SPC25: variants seen among roughly 807,000 people sequenced by gnomAD.
SPC25 encodes kinetochore protein Spc25.
Under a neutral mutation model 29.6 loss-of-function variants are expected in SPC25, and 22 were observed. The ratio of observed to expected loss-of-function variants is 0.74; its 90% confidence interval spans 0.53 to 1.06. The LOEUF (loss-of-function observed/expected upper bound fraction) is 1.06, where lower values mean the gene tolerates loss of function less well. Ranked by LOEUF, SPC25 falls within the 50% of genes least tolerant of loss-of-function variation. The pLI, the probability that SPC25 is intolerant of heterozygous loss-of-function variation, is 0.00. For missense variants in SPC25, 230 were observed against 255.8 expected, an observed-to-expected ratio of 0.90 and a Z score of 0.69; for synonymous variants, 91 against 90.4, an observed-to-expected ratio of 1.01 and a Z score of -0.04.
chr2:168,873,500 T>G, intron 6 of SPC25, 85 bp downstream of exon 6: 1 of 919,040 alleles, frequency 1.1e-6, no homozygotes, highest in Non-Finnish European at 1.7e-6. Flanking sequence ...AGCTATTACT[T>G]TCCTCCATAT....
At chr2:168,861,902 A>G (rs969856336) in intron 4 of SPC25, 4 of 1,470,522 alleles carry the variant, frequency 2.7e-6, no homozygotes, top group Non-Finnish European at 2.8e-6. Flanking sequence ...AAAGAGCTTC[A>G]GCTCATATTC....
At chr2:168,868,133 A>T (rs1302053780), downstream of SPC25, among the ~76,000 whole-genome samples, 3 of 152,280 alleles carry the variant, frequency 2.0e-5, no homozygotes. Context: ...GAAGGCAGAA[A>T]TAAAGATGTT....
intron 3 of SPC25, among the ~76,000 whole-genome samples, chr2:168,879,617 G>A (rs1469039708): frequency 1.3e-5 from 2 of 152,012 alleles, no homozygotes; most frequent in African/African-American, 4.8e-5. Flanking sequence ...CTTCTTCCAA[G>A]CTCTTGTTCA....
chr2:168,884,673 C>G (rs554095109), intron 3 of SPC25, among the ~76,000 whole-genome samples: 1 of 152,162 alleles, frequency 6.6e-6, no homozygotes, highest in South Asian at 2.1e-4. Context: ...TCTCCAATTA[C>G]GAATTCTGTC....
downstream of SPC25, among the ~76,000 whole-genome samples, chr2:168,869,218 G>C (rs9753196): frequency 0.31 from 47,452 of 151,678 alleles, 8,371 homozygotes; most frequent in East Asian, 0.58. Context: ...AAAATAATAA[G>C]AGCTATCTAT....
In SPC25 at chr2:168,889,268, C is replaced by T. The variant is rs1559158906; in HGVS notation, c.157G>A (p.Glu53Lys). 4 of 1,613,572 alleles carry T rather than the reference C, an allele frequency of 2.5e-6. No homozygotes were observed. The South Asian group carries it at 3.3e-5, about 13-fold the overall frequency. Residue 53 changes from glutamate (E) to lysine (K), a missense_variant, in exon 3 of 7, where the codon GAA becomes AAA. Transcript: ENST00000282074. The part of the protein sequence containing the change: ...FAEKLSVKLK[E>K]EERMVEMFLE... ...AACATCTCAACCATTCGTTCTTCTTCCTTTAATTTCACAGACAGCTTTTCT... is the reference window on the plus strand; with the variant it reads ...AACATCTCAACCATTCGTTCTTCTTTCTTTAATTTCACAGACAGCTTTTCT...
intron 4 of SPC25, chr2:168,864,971 A>G (rs1280369088): frequency 6.2e-7 from 1 of 1,614,018 alleles, no homozygotes; most frequent in South Asian, 1.1e-5. Flanking sequence ...AAAGGCATAA[A>G]ACAAGACTCT....
chr2:168,878,363 G>A (rs1045572932), intron 3 of SPC25, among the ~76,000 whole-genome samples: 1 of 152,114 alleles, frequency 6.6e-6, no homozygotes, highest in African/African-American at 2.4e-5. Flanking sequence ...GAATTGAAGA[G>A]ACATTTCATA....
At chr2:168,867,641 G>A (rs1285731451), downstream of SPC25, among the ~76,000 whole-genome samples, 6 of 152,234 alleles carry the variant, frequency 3.9e-5, no homozygotes, top group African/African-American at 7.2e-5. Context: ...GACAAAGAAG[G>A]CCATTACATA....
At chr2:168,878,958 T>C (rs747650446) in intron 3 of SPC25, among the ~76,000 whole-genome samples, 1 of 152,248 alleles carries the variant, frequency 6.6e-6, no homozygotes, top group Non-Finnish European at 1.5e-5. Context: ...TATTTTACAC[T>C]ATATTGTAGT....
downstream of SPC25, among the ~76,000 whole-genome samples, chr2:168,869,868 T>C (rs1384189966): frequency 2.0e-5 from 3 of 151,934 alleles, no homozygotes; most frequent in South Asian, 2.1e-4. Context: ...TTAAAGTTCA[T>C]ATGGAACCAA....
At chr2:168,873,509 A>G (rs1162628648) in intron 6 of SPC25, 76 bp downstream of exon 6, 4 of 1,020,026 alleles carry the variant, frequency 3.9e-6, no homozygotes, top group Non-Finnish European at 6.1e-6. Context: ...TTTCCTCCAT[A>G]TTACTTTATA....
chr2:168,863,107 T>A (rs186487139), intron 4 of SPC25, among the ~76,000 whole-genome samples: 2 of 152,326 alleles, frequency 1.3e-5, no homozygotes, highest in Admixed American at 1.3e-4. Context: ...AAATTGATTA[T>A]CTTGTTTTCA....
chr2:168,863,193 C>G (rs539400), intron 4 of SPC25, among the ~76,000 whole-genome samples: 124,350 of 152,178 alleles, frequency 0.82, 50,873 homozygotes, highest in East Asian at 0.91. Flanking sequence ...GACGTTGGAG[C>G]CTTAGGGAAG....
intron 3 of SPC25, among the ~76,000 whole-genome samples, chr2:168,885,934 G>T (rs1355005133): frequency 2.0e-5 from 3 of 152,068 alleles, no homozygotes; most frequent in Non-Finnish European, 4.4e-5. Context: ...TTAGCACATG[G>T]TATACAAGGT....
intron 3 of SPC25, among the ~76,000 whole-genome samples, chr2:168,878,219 A>G (rs1690121401): frequency 6.6e-6 from 1 of 152,184 alleles, no homozygotes; most frequent in Non-Finnish European, 1.5e-5. Context: ...AATCTCACTT[A>G]AAAACATAGG....
At chr2:168,872,216 C>A (rs1180225621) in intron 6 of SPC25, among the ~76,000 whole-genome samples, 1 of 152,204 alleles carries the variant, frequency 6.6e-6, no homozygotes, top group African/African-American at 2.4e-5. Context: ...GATCCGCCTG[C>A]CTCTGCCTCC....
chr2:168,867,060 G>C (rs375776356), downstream of SPC25, among the ~76,000 whole-genome samples: 14 of 152,048 alleles, frequency 9.2e-5, no homozygotes, highest in African/African-American at 3.4e-4. Context: ...TGTGGAAGTC[G>C]GTGTGGCGAT....
rs1032428169 is a variant in SPC25, at chr2:168,871,348, G to T, written c.*83C>A. ...GTGCACATGTACCCTAAAACTTAAA[G>T]TATAATAATAATAAAAACAAGAAAA... On this transcript the variant is annotated 3_prime_UTR_variant, in exon 7 of 7. Coordinates refer to ENST00000282074, the MANE Select transcript of SPC25 (RefSeq NM_020675.4). 7.8e-6 allele frequency: 10 copies of T among 1,274,270 alleles called. No individual in the cohort carries two copies. The highest frequency in any genetic ancestry group is 1.0e-5 in the Non-Finnish European group (10 of 973,538). The allele number at this position is 1,274,270 out of a possible 1,614,324, so 78.9% of individuals were successfully genotyped here.
Sources: gnomAD v4.1 joint callset for allele counts (sites outside exome capture counted in the v4.1 genomes callset) on GRCh38, gnomAD v4.1.1 for gene constraint, MANE v1.5 for transcripts, NCBI Gene and HGNC (gene_info 2026-07-23, HGNC 2026-07-21) for gene names.